Variants in ATP13A4 observed in about 807,000 individuals in gnomAD.
ATP13A4 encodes the protein probable cation-transporting ATPase 13A4.
In ATP13A4, 114 loss-of-function variants were observed where a neutral mutation model predicts 142.5. That is an observed-to-expected ratio of 0.80 (90% confidence interval 0.69 to 0.93). The LOEUF (loss-of-function observed/expected upper bound fraction) is 0.93, where lower values mean the gene tolerates loss of function less well. ATP13A4 is among the 40% of genes least tolerant of loss of function. ATP13A4 has a pLI of 0.00. For missense variants in ATP13A4, 1,392 were observed against 1,454.0 expected (o/e 0.96, Z 0.69); for synonymous variants, 488 against 514.8 (o/e 0.95, Z 0.70).
intron 1 of ATP13A4, among the ~76,000 whole-genome samples, chr3:193,582,549 ATATG>A (rs914889603): frequency 2.2e-5 from 3 of 137,108 alleles, no homozygotes; most frequent in Non-Finnish European, 4.6e-5. Flanking sequence ...TACATATATT[ATATG>A]TATTATATAT....
chr3:193,573,308 C>CGTATATATATATATATTTTTTTAT (rs1229145689), intron 2 of ATP13A4, among the ~76,000 whole-genome samples: 2 of 103,674 alleles, frequency 1.9e-5, no homozygotes, highest in Non-Finnish European at 3.6e-5. Flanking sequence ...TATATATATA[C>CGTATATATATATATATTTTTTTAT]ATATATATAT....
rs192073319 is a variant in ATP13A4 at position 193,445,617 on chromosome 3, C to T, written c.2152+2589G>A. Among the ~76,000 whole-genome samples the T allele has an allele frequency of 1.2e-3, 188 of 151,682 alleles. 1 individual carries two copies. Among genetic ancestry groups the T allele is most frequent in the Non-Finnish European group, 2.1e-3 (146 of 67,908 alleles). ...ACTAAAAATACAAAAATTAGCTGGG[C>T]GTGGTGGTGCACACCTGTAGTCCCA... On this transcript the variant is annotated intron_variant, in intron 18 of 29. Coordinates refer to ENST00000342695, the MANE Select transcript of ATP13A4 (RefSeq NM_032279.4).
At chr3:193,582,390 G>A (rs1157212137) in intron 1 of ATP13A4, among the ~76,000 whole-genome samples, 8 of 148,700 alleles carry the variant, frequency 5.4e-5, no homozygotes, top group East Asian at 2.0e-4. Context: ...CTTGTGATCC[G>A]TCCGCCTCAG....
intron 9 of ATP13A4, among the ~76,000 whole-genome samples, chr3:193,468,418 CT>C (rs1344231307): frequency 6.6e-6 from 1 of 152,124 alleles, no homozygotes; most frequent in Non-Finnish European, 1.5e-5. Flanking sequence ...ACTATAACAG[CT>C]GGCAGTGGGG....
At chr3:193,580,540 C>T (rs973976564) in intron 2 of ATP13A4, among the ~76,000 whole-genome samples, 6 of 152,086 alleles carry the variant, frequency 3.9e-5, no homozygotes, top group African/African-American at 1.2e-4. Flanking sequence ...AGCTAGTATA[C>T]GTACTACTAA....
rs1420983314 is a variant in ATP13A4 at position 193,497,131 on chromosome 3, CAACCTACAG to C, written c.382-3980_382-3972del. On this transcript the variant is annotated intron_variant, in intron 3 of 29. Coordinates refer to ENST00000342695, the MANE Select transcript of ATP13A4 (RefSeq NM_032279.4). ...GGAAATAACTAACCAAGTGAAAAGA[CAACCTACAG>C]AATGGAAGAAAATATTTGCGAACTG... Among the ~76,000 whole-genome samples the C allele has an allele frequency of 1.4e-4, 21 of 152,218 alleles. No individual in the cohort carries two copies. The South Asian group carries it at 4.3e-3, about 32-fold the overall frequency.
intron 3 of ATP13A4, among the ~76,000 whole-genome samples, chr3:193,495,666 G>GA (rs1720182805): frequency 6.6e-6 from 1 of 152,070 alleles, no homozygotes; most frequent in Admixed American, 6.5e-5. Flanking sequence ...CTAAGACCTA[G>GA]AACAAGACAG....
At chr3:193,483,762 T>C (rs944098779) in intron 8 of ATP13A4, among the ~76,000 whole-genome samples, 174 bp downstream of exon 8, 1 of 152,022 alleles carries the variant, frequency 6.6e-6, no homozygotes, top group African/African-American at 2.4e-5. Flanking sequence ...CCGCACCCGG[T>C]CTAAAGTAGT....
At chr3:193,577,235 T>C (rs757583052) in intron 2 of ATP13A4, among the ~76,000 whole-genome samples, 1 of 152,190 alleles carries the variant, frequency 6.6e-6, no homozygotes, top group Non-Finnish European at 1.5e-5. Flanking sequence ...CAAACATAAT[T>C]TGACATCATT....
intron 2 of ATP13A4, among the ~76,000 whole-genome samples, chr3:193,562,694 AC>A (rs890344942): frequency 1.2e-4 from 18 of 151,976 alleles, no homozygotes; most frequent in African/African-American, 4.4e-4. Context: ...ACACGATGAA[AC>A]CCCATCTCTA....
Position 193,407,407 on chromosome 3 carries a change from A to G in ATP13A4, c.3298-14T>C. On this transcript the variant is annotated splice_polypyrimidine_tract_variant and intron_variant, in intron 28 of 29. Transcript: ENST00000342695. ...AGTGCAGAGCAGCTGGCGGGAGATG[A>G]TGAAGCACAGTTAGTCTGAAGACAC... The G allele has an allele frequency of 1.3e-6, 2 of 1,598,472 alleles. No individual in the cohort carries two copies. The highest frequency in any genetic ancestry group is 1.1e-5 in the South Asian group (1 of 90,742).
intron 25 of ATP13A4, among the ~76,000 whole-genome samples, chr3:193,426,151 A>C (rs1354252723): frequency 1.3e-5 from 2 of 151,886 alleles, no homozygotes; most frequent in Non-Finnish European, 2.9e-5. Context: ...TGATAAAATT[A>C]ATAATTGAAT....
intron 23 of ATP13A4, among the ~76,000 whole-genome samples, chr3:193,437,479 T>C (rs1430884633): frequency 1.3e-5 from 2 of 152,150 alleles, no homozygotes; most frequent in East Asian, 3.9e-4. Context: ...GTGGTGGAAA[T>C]AGTATATCTG....
At chr3:193,559,430 G>A (rs1266898903), upstream of ATP13A4, among the ~76,000 whole-genome samples, 1 of 152,096 alleles carries the variant, frequency 6.6e-6, no homozygotes, top group East Asian at 1.9e-4. Context: ...TTTAGTTATA[G>A]AACTTTATCT....
rs575887834 is a variant in ATP13A4 at position 193,570,613 on chromosome 3, C to T, written n.291+11094G>A. ...CTGGAATAGAGGCCTAATACCACCACAGTCTTTATCTTTATTTTTTCCTCA... is the reference window on the plus strand; with the variant it reads ...CTGGAATAGAGGCCTAATACCACCATAGTCTTTATCTTTATTTTTTCCTCA... On this transcript the variant is annotated intron_variant and non_coding_transcript_variant, in intron 2 of 3. Transcript: ENST00000489140. Among the ~76,000 whole-genome samples the T allele has an allele frequency of 1.1e-3, 161 of 152,256 alleles. 1 individual carries two copies. Among genetic ancestry groups the T allele is most frequent in the South Asian group, 2.3e-3 (11 of 4,832 alleles).
At position 193,399,032 on chromosome 3, in the gene ATP13A4, T is replaced by G. The variant is rs1471738343; in HGVS notation, c.*3620A>C. Among the ~76,000 whole-genome samples, 1 of 152,172 alleles carries G rather than the reference T, an allele frequency of 6.6e-6. No homozygotes were observed. Among genetic ancestry groups the G allele is most frequent in the African/African-American group, 2.4e-5 (1 of 41,424 alleles). Reference sequence around the variant, plus strand: ...ATACAAAGCTCTGAATAAATAATCGTTTTTTTCAGTCATCACATCTGCAGG... The same window carrying G: ...ATACAAAGCTCTGAATAAATAATCGGTTTTTTCAGTCATCACATCTGCAGG... On this transcript the variant is annotated 3_prime_UTR_variant, in exon 30 of 30. Coordinates refer to ENST00000342695, the MANE Select transcript of ATP13A4 (RefSeq NM_032279.4).
chr3:193,469,662 G>A (rs924802467), intron 9 of ATP13A4, among the ~76,000 whole-genome samples: 4 of 152,168 alleles, frequency 2.6e-5, no homozygotes, highest in Non-Finnish European at 5.9e-5. Flanking sequence ...AGTCCACTGC[G>A]TTTGGCAATT....
Position 193,438,501 on chromosome 3 carries a change from G to A in ATP13A4, c.2646C>T (p.Asn882=), listed in dbSNP as rs761443819. ...VASPFTSKTP[N]IECVPHLIKE... is the part of the protein sequence containing the mutation. ...TGATAAGGTGAGGTACGCACTCAAT[G>A]TTTGGAGTTTTGGAAGTGAAAGGTG... Residue 882 remains asparagine, a synonymous_variant, in exon 23 of 30, where the codon AAC becomes AAT. Coordinates refer to ENST00000342695, the MANE Select transcript of ATP13A4 (RefSeq NM_032279.4). The A allele has an allele frequency of 1.2e-6, 2 of 1,613,858 alleles. No homozygotes were observed. Among genetic ancestry groups the A allele is most frequent in the African/African-American group, 2.7e-5 (2 of 75,040 alleles).
intron 13 of ATP13A4, among the ~76,000 whole-genome samples, chr3:193,460,991 A>C (rs1717914306): frequency 6.6e-6 from 1 of 152,122 alleles, no homozygotes; most frequent in Non-Finnish European, 1.5e-5. Flanking sequence ...ACCTAGAATT[A>C]ATTCTGTTTT....
Sources: gnomAD v4.1 joint callset for allele counts (sites outside exome capture counted in the v4.1 genomes callset) on GRCh38, gnomAD v4.1.1 for gene constraint, MANE v1.5 for transcripts, NCBI Gene and HGNC (gene_info 2026-07-23, HGNC 2026-07-21) for gene names.